Variants in CERS6 observed in about 807,000 individuals in gnomAD.
CERS6 encodes the protein LAG1 homolog, ceramide synthase 6.
Under a neutral mutation model 56.8 loss-of-function variants are expected in CERS6, and 26 were observed. That is an observed-to-expected ratio of 0.46 (90% CI 0.34 to 0.63). The LOEUF is 0.63. CERS6 is among the 30% of genes least tolerant of loss of function. The pLI is 0.01. For missense variants in CERS6, 415 were observed against 467.5 expected (o/e 0.89, Z 1.04); for synonymous variants, 164 against 173.3 (o/e 0.95, Z 0.42).
chr2:168,618,401 A>G (rs1248366782), intron 3 of CERS6, among the ~76,000 whole-genome samples: 1 of 152,212 alleles, frequency 6.6e-6, no homozygotes, highest in Non-Finnish European at 1.5e-5. Context: ...CAAGAGAAAG[A>G]AATAAAAGGC....
intron 1 of CERS6, among the ~76,000 whole-genome samples, chr2:168,511,687 G>T (rs1694789610): frequency 6.6e-6 from 1 of 152,032 alleles, no homozygotes; most frequent in African/African-American, 2.4e-5. Context: ...TAGTTTGTTG[G>T]AACTTCTCAA....
chr2:168,551,803 T>C (rs1695577794), intron 2 of CERS6, among the ~76,000 whole-genome samples: 1 of 152,230 alleles, frequency 6.6e-6, no homozygotes. Context: ...ATGAACAGAA[T>C]GATTATTTCT....
chr2:168,519,440 G>A (rs1028145613), intron 1 of CERS6, among the ~76,000 whole-genome samples: 6 of 152,112 alleles, frequency 3.9e-5, no homozygotes, highest in African/African-American at 7.2e-5. Flanking sequence ...ATTGTGTGAT[G>A]CTGAGGTTTG....
intron 3 of CERS6, among the ~76,000 whole-genome samples, chr2:168,618,173 A>T (rs955164428): frequency 1.3e-5 from 2 of 152,206 alleles, no homozygotes; most frequent in African/African-American, 2.4e-5. Flanking sequence ...ATTTGACAAA[A>T]TCCAGCATGG....
intron 1 of CERS6, among the ~76,000 whole-genome samples, chr2:168,535,893 G>A (rs1695254842): frequency 6.6e-6 from 1 of 151,636 alleles, no homozygotes; most frequent in South Asian, 2.1e-4. Context: ...ACATTTTCCT[G>A]ATGTGGCTGA....
At chr2:168,533,874 CT>C (rs1695211083) in intron 1 of CERS6, among the ~76,000 whole-genome samples, 2 of 151,998 alleles carry the variant, frequency 1.3e-5, no homozygotes, top group Non-Finnish European at 2.9e-5. Context: ...TTGGTTCGGT[CT>C]TTTTACGAGA....
At chr2:168,514,965 CA>C (rs1437840656) in intron 1 of CERS6, among the ~76,000 whole-genome samples, 4 of 152,162 alleles carry the variant, frequency 2.6e-5, no homozygotes, top group African/African-American at 9.7e-5. Context: ...TAGTTCTGAG[CA>C]ACTTCCACCA....
At chr2:168,539,399 GAAAT>G (rs774398560) in intron 1 of CERS6, among the ~76,000 whole-genome samples, 189 of 152,276 alleles carry the variant, frequency 1.2e-3, no homozygotes, top group Middle Eastern at 0.01. Context: ...TCTGTTAAAT[GAAAT>G]AAATATTTAA....
At chr2:168,505,329 C>T (rs1390406148) in intron 1 of CERS6, among the ~76,000 whole-genome samples, 1 of 129,038 alleles carries the variant, frequency 7.7e-6, no homozygotes, top group African/African-American at 3.0e-5. Context: ...CTGCAGTGAG[C>T]TGTGATTGTG....
chr2:168,483,992 T>C (rs1694224444), intron 1 of CERS6, among the ~76,000 whole-genome samples: 1 of 152,090 alleles, frequency 6.6e-6, no homozygotes, highest in Admixed American at 6.5e-5. Context: ...CTTTGAGAAC[T>C]ACTGGTATAG....
chr2:168,645,116 A>ATATATATATATATAT lies in CERS6; in HGVS notation c.465+14074_465+14075insTATATATATATATAT, dbSNP rs1193983720. Among the ~76,000 whole-genome samples the ATATATATATATATAT allele has an allele frequency of 2.1e-4, 4 of 19,032 alleles. 1 individual carries two copies. The highest frequency in any genetic ancestry group is 4.0e-4 in the Non-Finnish European group (4 of 10,018). The allele number at this position is 19,032 out of a possible 152,430, so 12.5% of individuals were successfully genotyped here. On this transcript the variant is annotated intron_variant, in intron 4 of 9. Coordinates refer to ENST00000305747, the MANE Select transcript of CERS6 (RefSeq NM_203463.3). ...AAAAAAAAAAAAAAAAAAAAAAAAAAATATATATATATATATATATATATA... is the reference window on the plus strand; with the variant it reads ...AAAAAAAAAAAAAAAAAAAAAAAAAATATATATATATATATATATATATATATATATATATATATA...
chr2:168,563,669 C>T (rs1347768427), intron 3 of CERS6, among the ~76,000 whole-genome samples: 4 of 152,046 alleles, frequency 2.6e-5, no homozygotes, highest in Admixed American at 2.0e-4. Context: ...TGGTGGCAGG[C>T]GCCTGCAGTC....
intron 1 of CERS6, among the ~76,000 whole-genome samples, chr2:168,511,940 G>A (rs962213089): frequency 8.9e-6 from 1 of 112,684 alleles, no homozygotes; most frequent in Admixed American, 1.1e-4. Flanking sequence ...CCATATGTGT[G>A]CATGCACGTG....
chr2:168,564,034 A>G (rs746054351), intron 3 of CERS6, among the ~76,000 whole-genome samples: 1 of 151,924 alleles, frequency 6.6e-6, no homozygotes, highest in African/African-American at 2.4e-5. Flanking sequence ...CTGCCTTTCC[A>G]AGGTCTTTTG....
At position 168,726,152 on chromosome 2, in the gene CERS6, T is replaced by C. The variant is rs934457903; in HGVS notation, c.845+8174T>C. Among the ~76,000 whole-genome samples the C allele has an allele frequency of 2.6e-5, 4 of 152,206 alleles. 1 individual carries two copies. The highest frequency in any genetic ancestry group is 9.6e-5 in the African/African-American group (4 of 41,454). On this transcript the variant is annotated intron_variant, in intron 8 of 9. Coordinates refer to ENST00000305747, the MANE Select transcript of CERS6 (RefSeq NM_203463.3). The stretch of plus-strand genomic sequence containing the variant: ...TTAATTATAAATGGTCTCATGTCCA[T>C]TTTCTTACTTGATTTCCTTAAATCT...
chr2:168,542,977 G>A (rs1165467370), intron 1 of CERS6, among the ~76,000 whole-genome samples: 2 of 152,200 alleles, frequency 1.3e-5, no homozygotes, highest in East Asian at 1.9e-4. Context: ...GATTACAGGC[G>A]TGAGCCACTG....
At chr2:168,752,051 A>G (rs573236016) in intron 8 of CERS6, among the ~76,000 whole-genome samples, 2 of 152,130 alleles carry the variant, frequency 1.3e-5, no homozygotes, top group Non-Finnish European at 1.5e-5. Flanking sequence ...CAGGGATACA[A>G]TTGCATTGGT....
intron 1 of CERS6, among the ~76,000 whole-genome samples, chr2:168,532,820 C>T (rs967839665): frequency 3.9e-5 from 6 of 152,006 alleles, no homozygotes; most frequent in South Asian, 4.1e-4. Flanking sequence ...CAACAAATAC[C>T]GGTAACCTTT....
intron 8 of CERS6, among the ~76,000 whole-genome samples, chr2:168,753,841 C>G (rs1337148006): frequency 6.6e-6 from 1 of 152,176 alleles, no homozygotes; most frequent in African/African-American, 2.4e-5. Context: ...AAATCACATC[C>G]TCACACACAC....
Sources: gnomAD v4.1 joint callset for allele counts (sites outside exome capture counted in the v4.1 genomes callset) on GRCh38, gnomAD v4.1.1 for gene constraint, MANE v1.5 for transcripts, NCBI Gene and HGNC (gene_info 2026-07-23, HGNC 2026-07-21) for gene names.